The following MYO5C variants were observed in gnomAD, a reference collection of about 807,000 sequenced individuals.
MYO5C encodes unconventional myosin-Vc.
MYO5C carries 194 observed loss-of-function variants against 235.7 expected under a neutral mutation model. That is an observed-to-expected ratio of 0.82 (90% CI 0.73 to 0.93). The LOEUF is 0.93. Among genes scored for constraint, MYO5C ranks in the 40% least tolerant of loss-of-function variants. MYO5C has a pLI of 0.00. For synonymous variants in MYO5C, 707 were observed against 754.8 expected (o/e 0.94, Z 1.04); for missense variants, 2,038 against 2,127.2 (o/e 0.96, Z 0.82).
intron 32 of MYO5C, among the ~76,000 whole-genome samples, chr15:52,217,436 A>G (rs145020189): frequency 6.6e-6 from 1 of 152,304 alleles, no homozygotes; most frequent in East Asian, 1.9e-4. Context: ...CAGCACACAC[A>G]TGACCCACCC....
chr15:52,295,588 G>A, intron 1 of MYO5C, 22 bp downstream of exon 1: 1 of 1,500,284 alleles, frequency 6.7e-7, no homozygotes, highest in Non-Finnish European at 8.9e-7. Context: ...AGCGCTCCCA[G>A]GAGCCCAGCG....
At chr15:52,234,325 G>A (rs1454555665) in intron 23 of MYO5C, among the ~76,000 whole-genome samples, 1 of 152,184 alleles carries the variant, frequency 6.6e-6, no homozygotes, top group East Asian at 1.9e-4. Context: ...AGGCGCACAG[G>A]ATAATCAGTT....
At chr15:52,202,518 A>G (rs2035212055) in intron 38 of MYO5C, among the ~76,000 whole-genome samples, 1 of 152,182 alleles carries the variant, frequency 6.6e-6, no homozygotes, top group Non-Finnish European at 1.5e-5. Context: ...GATCCTTTTC[A>G]TTCATGTCTC....
At position 52,242,196 on chromosome 15, in the gene MYO5C, A is replaced by G. The variant is rs777233124; in HGVS notation, c.2408T>C (p.Val803Ala). The change falls in exon 20 of 41, where the codon GTG becomes GCG. Residue 803 changes from valine (V) to alanine (A), a missense_variant. By Grantham distance (64) the Val-to-Ala change is moderately conservative. Coordinates refer to ENST00000261839, the MANE Select transcript of MYO5C (RefSeq NM_018728.4). ...QQTVRKAITA[V>A]ALKEAWAAII... Reference sequence around the variant, plus strand: ...GGCTGCCCAAGCTTCTTTTAAGGCCACTGCAGTAATAGCTTTCCTTGGTTA... The same window carrying G: ...GGCTGCCCAAGCTTCTTTTAAGGCCGCTGCAGTAATAGCTTTCCTTGGTTA... 2.5e-6 allele frequency: 4 copies of G among 1,612,906 alleles called. No homozygotes were observed. In the South Asian group the frequency reaches 4.4e-5, roughly 18 times the overall value.
Position 52,233,095 on chromosome 15 carries a change from C to T in MYO5C, c.2963-410G>A, listed in dbSNP as rs2036002821. ...GAGATCAAGACCATCCCGGCTAAAACGGTGAAACCCCGTCTCTACTAAAAA... is the reference window on the plus strand; with the variant it reads ...GAGATCAAGACCATCCCGGCTAAAATGGTGAAACCCCGTCTCTACTAAAAA... On this transcript the variant is annotated intron_variant, in intron 23 of 40. Transcript: ENST00000261839. Among the ~76,000 whole-genome samples, 2 of 45,552 alleles carry T rather than the reference C, an allele frequency of 4.4e-5. 1 individual carries two copies. Among genetic ancestry groups the T allele is most frequent in the African/African-American group, 7.7e-5 (2 of 25,810 alleles). 29.9% of individuals were successfully genotyped at this position (45,552 alleles called of 152,430 possible).
chr15:52,238,495 A>C (rs915455425), intron 21 of MYO5C, among the ~76,000 whole-genome samples: 1 of 152,202 alleles, frequency 6.6e-6, no homozygotes, highest in African/African-American at 2.4e-5. Flanking sequence ...GATATAGCTT[A>C]AGGCTAAGTT....
chr15:52,271,043 A>G (rs771283338), intron 7 of MYO5C, among the ~76,000 whole-genome samples: 9 of 152,188 alleles, frequency 5.9e-5, no homozygotes, highest in Non-Finnish European at 1.3e-4. Context: ...ATTAATTATG[A>G]CTACAAGTAA....
chr15:52,241,568 A>C (rs966894852), intron 20 of MYO5C, among the ~76,000 whole-genome samples: 2 of 151,932 alleles, frequency 1.3e-5, no homozygotes, highest in African/African-American at 4.8e-5. Flanking sequence ...CAGTGTGCTG[A>C]TCTTTTAAAA....
At chr15:52,214,966 TTC>T (rs759620972) in intron 32 of MYO5C, among the ~76,000 whole-genome samples, 40 of 152,196 alleles carry the variant, frequency 2.6e-4, no homozygotes, top group Non-Finnish European at 4.3e-4. Flanking sequence ...CTCATCTACT[TTC>T]TGTCTCTATG....
At chr15:52,216,413 C>T (rs1212975344) in intron 32 of MYO5C, among the ~76,000 whole-genome samples, 1 of 152,058 alleles carries the variant, frequency 6.6e-6, no homozygotes, top group Admixed American at 6.5e-5. Context: ...TGGGGTCTCA[C>T]TACGTTGCCC....
intron 22 of MYO5C, 71 bp downstream of exon 22, chr15:52,237,411 A>C (rs2036109988): frequency 6.5e-7 from 1 of 1,531,512 alleles, no homozygotes; most frequent in Non-Finnish European, 8.8e-7. Context: ...TCATAGGAAA[A>C]GCTGGCAGCG....
intron 8 of MYO5C, 71 bp from the exon 9 acceptor site, chr15:52,264,367 T>G: frequency 1.7e-6 from 2 of 1,196,104 alleles, no homozygotes; most frequent in South Asian, 2.7e-5. Context: ...GCACCTGGAT[T>G]CATTCAAGAT....
chr15:52,205,232 T>C, intron 37 of MYO5C, 85 bp from the exon 38 acceptor site: 1 of 1,446,394 alleles, frequency 6.9e-7, no homozygotes, highest in South Asian at 1.3e-5. Context: ...TTTCAGGAGA[T>C]GGGACATTTT....
chr15:52,285,722 C>A (rs750733187), intron 1 of MYO5C, among the ~76,000 whole-genome samples: 7 of 152,260 alleles, frequency 4.6e-5, no homozygotes, highest in Non-Finnish European at 1.0e-4. Context: ...CCGCCAGCCT[C>A]GGCTTCCCGA....
In MYO5C at chr15:52,239,784, A is replaced by G. The variant is rs2036172076; in HGVS notation, c.2652T>C (p.Asn884=). The G allele has an allele frequency of 2.5e-6, 4 of 1,613,536 alleles. No homozygotes were observed. Among genetic ancestry groups the G allele is most frequent in the African/African-American group, 2.7e-5 (2 of 74,924 alleles). ...GCTGGACCCTGTAAGTAAGCTGAAT[A>G]TTAAGCACGAATCGTCGGATACTCT... is the stretch of plus-strand genomic sequence containing the variant. The part of the protein sequence containing the change: ...RFQSIRRFVL[N]IQLTYRVQRL... Residue 884 remains asparagine, a synonymous_variant, in exon 21 of 41, where the codon AAT becomes AAC. Coordinates refer to ENST00000261839, the MANE Select transcript of MYO5C (RefSeq NM_018728.4).
chr15:52,232,165 GGGAA>G (rs1393330328), intron 24 of MYO5C, among the ~76,000 whole-genome samples: 2 of 19,040 alleles, frequency 1.1e-4, no homozygotes, highest in African/African-American at 1.8e-4. Context: ...AGGAAAGGAA[GGGAA>G]GGAAGGGAGG....
At chr15:52,265,435 G>A (rs923778311) in intron 8 of MYO5C, among the ~76,000 whole-genome samples, 2 of 152,052 alleles carry the variant, frequency 1.3e-5, no homozygotes, top group Admixed American at 6.5e-5. Context: ...GGTCCACCCT[G>A]GAATGGACAC....
intron 14 of MYO5C, among the ~76,000 whole-genome samples, chr15:52,248,133 A>G (rs929922172): frequency 4.6e-5 from 7 of 151,830 alleles, no homozygotes; most frequent in Admixed American, 3.9e-4. Context: ...AGTGAATTTC[A>G]TATTTTGTTT....
In MYO5C at chr15:52,279,074, T is replaced by C; in HGVS notation, c.305-57A>G. 5 of 1,003,248 alleles carry C rather than the reference T, an allele frequency of 5.0e-6. No individual in the cohort carries two copies. In the African/African-American group the frequency reaches 5.2e-5, roughly 10 times the overall value. The allele number at this position is 1,003,248 out of a possible 1,614,324, so 62.1% of individuals were successfully genotyped here. A position where few individuals can be genotyped will look rare whatever the true frequency, so the allele number is the denominator to read the frequency against. On this transcript the variant is annotated intron_variant, in intron 3 of 40. Coordinates refer to ENST00000261839, the MANE Select transcript of MYO5C (RefSeq NM_018728.4). The stretch of plus-strand genomic sequence containing the variant: ...CTCTTACTGCCACCTGCATCTCCAG[T>C]TTTTTTTTTTTTAAGAAACCCCAGC...
Sources: gnomAD v4.1 joint callset for allele counts (sites outside exome capture counted in the v4.1 genomes callset) on GRCh38, gnomAD v4.1.1 for gene constraint, MANE v1.5 for transcripts, NCBI Gene and HGNC (gene_info 2026-07-23, HGNC 2026-07-21) for gene names.